FSTL5: variants seen among roughly 807,000 people sequenced by gnomAD.
FSTL5 encodes the protein follistatin-related protein 5.
A neutral mutation model predicts 89.1 loss-of-function variants in FSTL5; 62 were observed. The ratio of observed to expected loss-of-function variants is 0.70; its 90% CI spans 0.57 to 0.86. The LOEUF is 0.86. Among genes scored for constraint, FSTL5 ranks in the 40% least tolerant of loss-of-function variants. The pLI, the probability that FSTL5 is intolerant of heterozygous loss-of-function variation, is 0.00. For synonymous variants in FSTL5, 383 were observed against 346.2 expected (o/e 1.11, Z -1.18); for missense variants, 1,057 against 1,001.6 (o/e 1.06, Z -0.75).
chr4:161,594,395 C>T (rs905736309), intron 7 of FSTL5, among the ~76,000 whole-genome samples: 18 of 152,058 alleles, frequency 1.2e-4, no homozygotes, highest in Admixed American at 1.3e-4. Context: ...AACCACTTTT[C>T]CATACGTTCT....
intron 1 of FSTL5, among the ~76,000 whole-genome samples, chr4:162,147,189 C>T (rs2029634): frequency 0.76 from 115,505 of 151,988 alleles, 44,276 homozygotes; most frequent in Non-Finnish European, 0.81. Flanking sequence ...TTTCTTATTT[C>T]TATTTCCTTC....
chr4:161,743,508 G>A (rs965959820), intron 6 of FSTL5, among the ~76,000 whole-genome samples: 1 of 151,730 alleles, frequency 6.6e-6, no homozygotes, highest in Non-Finnish European at 1.5e-5. Flanking sequence ...CTTTTCTTTT[G>A]TCAAGATTGT....
intron 8 of FSTL5, among the ~76,000 whole-genome samples, chr4:161,543,283 C>A (rs2126546034): frequency 6.6e-6 from 1 of 151,690 alleles, no homozygotes; most frequent in African/African-American, 2.4e-5. Flanking sequence ...TAAAGAAGAC[C>A]TAAATAAATC....
intron 15 of FSTL5, among the ~76,000 whole-genome samples, chr4:161,443,387 G>C (rs908214329): frequency 6.6e-6 from 1 of 151,882 alleles, no homozygotes; most frequent in Non-Finnish European, 1.5e-5. Flanking sequence ...AATTTACTTG[G>C]AATCACACTG....
chr4:161,395,325 T>A (rs1279475873), intron 15 of FSTL5, among the ~76,000 whole-genome samples: 1 of 152,022 alleles, frequency 6.6e-6, no homozygotes, highest in Non-Finnish European at 1.5e-5. Flanking sequence ...AATTAATACA[T>A]TTTATATATA....
chr4:161,396,742 A>C (rs531153069), intron 15 of FSTL5, among the ~76,000 whole-genome samples: 13 of 147,180 alleles, frequency 8.8e-5, no homozygotes, highest in Admixed American at 5.5e-4. Context: ...AAAAAAAAAA[A>C]CAGCAAACAC....
chr4:162,056,754 G>C (rs999004361), intron 2 of FSTL5, among the ~76,000 whole-genome samples: 2 of 151,962 alleles, frequency 1.3e-5, no homozygotes, highest in Middle Eastern at 3.2e-3. Context: ...ATATAACTGG[G>C]GAGAGGTAGA....
chr4:162,100,237 TA>T (rs1730939665), intron 2 of FSTL5, among the ~76,000 whole-genome samples: 1 of 152,230 alleles, frequency 6.6e-6, no homozygotes, highest in Non-Finnish European at 1.5e-5. Flanking sequence ...TATTCAGCAC[TA>T]AAAATCAATG....
chr4:161,981,917 C>T (rs1410548281), intron 3 of FSTL5, among the ~76,000 whole-genome samples: 2 of 152,028 alleles, frequency 1.3e-5, no homozygotes, highest in African/African-American at 4.8e-5. Context: ...ATAAAAATAA[C>T]TTTAGTTACC....
At chr4:161,882,438 T>A (rs1035496089) in intron 4 of FSTL5, among the ~76,000 whole-genome samples, 2 of 152,056 alleles carry the variant, frequency 1.3e-5, no homozygotes, top group African/African-American at 4.8e-5. Context: ...ACTTGGAAAA[T>A]TGAAACATTC....
At chr4:162,039,838 A>C (rs1436752179) in intron 2 of FSTL5, among the ~76,000 whole-genome samples, 1 of 152,016 alleles carries the variant, frequency 6.6e-6, no homozygotes, top group Non-Finnish European at 1.5e-5. Context: ...GTTCTAGCTA[A>C]AGTAATATTT....
chr4:161,392,434 A>G (rs1730851786), intron 15 of FSTL5, among the ~76,000 whole-genome samples: 1 of 152,064 alleles, frequency 6.6e-6, no homozygotes, highest in Non-Finnish European at 1.5e-5. Flanking sequence ...TGTGCTGCCA[A>G]GGCTAGCCTT....
chr4:161,856,989 C>T (rs780803756), intron 4 of FSTL5, among the ~76,000 whole-genome samples: 1 of 151,930 alleles, frequency 6.6e-6, no homozygotes, highest in African/African-American at 2.4e-5. Context: ...AGATGAGAGG[C>T]AAGATAGATA....
At chr4:161,443,911 G>C (rs953687490) in intron 15 of FSTL5, among the ~76,000 whole-genome samples, 2 of 151,894 alleles carry the variant, frequency 1.3e-5, no homozygotes, top group African/African-American at 4.8e-5. Context: ...GCTGCTGAAG[G>C]AGGGAGCTTC....
chr4:161,387,893 T>C (rs559368643), intron 15 of FSTL5: 1 of 152,186 alleles, frequency 6.6e-6, no homozygotes, highest in Non-Finnish European at 1.5e-5. Context: ...TCTATATGAA[T>C]GAAAATTCAC....
At chr4:162,008,307 T>C (rs1736668613) in intron 3 of FSTL5, among the ~76,000 whole-genome samples, 2 of 151,786 alleles carry the variant, frequency 1.3e-5, no homozygotes, top group African/African-American at 4.8e-5. Context: ...AATAGTTCAA[T>C]GTAAGCCAAA....
intron 3 of FSTL5, among the ~76,000 whole-genome samples, chr4:161,992,279 C>G (rs767828066): frequency 2.6e-5 from 4 of 152,100 alleles, no homozygotes; most frequent in Non-Finnish European, 5.9e-5. Context: ...AAAAAGGAAA[C>G]TACATGGGAT....
intron 13 of FSTL5, among the ~76,000 whole-genome samples, chr4:161,460,782 A>G (rs1185844210): frequency 6.6e-6 from 1 of 152,016 alleles, no homozygotes; most frequent in African/African-American, 2.4e-5. Flanking sequence ...TCGCTAAGAG[A>G]GTCACTATAC....
intron 8 of FSTL5, among the ~76,000 whole-genome samples, chr4:161,583,649 G>A (rs1377426652): frequency 6.6e-6 from 1 of 152,040 alleles, no homozygotes; most frequent in Non-Finnish European, 1.5e-5. Context: ...TTTTCCTTGT[G>A]GTTAAGACTA....
Sources: gnomAD v4.1 joint callset for allele counts (sites outside exome capture counted in the v4.1 genomes callset) on GRCh38, gnomAD v4.1.1 for gene constraint, MANE v1.5 for transcripts, NCBI Gene and HGNC (gene_info 2026-07-23, HGNC 2026-07-21) for gene names.